The following ITGB1BP1 variants were observed in gnomAD, a reference collection of about 807,000 sequenced individuals.
ITGB1BP1 encodes integrin subunit beta 1 binding protein 1, also known as integrin beta-1-binding protein 1.
ITGB1BP1 carries 20 observed loss-of-function variants against 28.0 expected under a neutral mutation model. That is an observed-to-expected ratio of 0.71 (90% CI 0.50 to 1.04). ITGB1BP1 has a LOEUF of 1.04. Ranked by LOEUF, ITGB1BP1 falls within the 50% of genes least tolerant of loss-of-function variation. The probability of loss-of-function intolerance (pLI) is 0.00; values close to 1 mark genes in which losing one functional copy is unlikely to be tolerated. For missense variants in ITGB1BP1, 228 were observed against 242.5 expected, an observed-to-expected ratio of 0.94 and a Z score of 0.40; for synonymous variants, 103 against 89.5, an observed-to-expected ratio of 1.15 and a Z score of -0.85.
In ITGB1BP1 at chr2:9,415,427, A is replaced by G. The variant is rs905930832; in HGVS notation, c.73-1171T>C. Among the ~76,000 whole-genome samples the G allele has an allele frequency of 1.3e-5, 2 of 151,892 alleles. No individual in the cohort carries two copies. Among genetic ancestry groups the G allele is most frequent in the African/African-American group, 4.8e-5 (2 of 41,350 alleles). On this transcript the variant is annotated intron_variant, in intron 2 of 6. Coordinates refer to ENST00000355346, the MANE Select transcript of ITGB1BP1 (RefSeq NM_004763.5). This position sits in a 1 kb window ranked among gnomAD's most constrained non-coding sequence, Gnocchi z 4.1. ...CACACAAAAAAAAACACAACAATAC[A>G]AAAATTAGCCAGGCTTGGTGGCACA...
chr2:9,417,247 C>T (rs1679260634), intron 2 of ITGB1BP1, among the ~76,000 whole-genome samples: 1 of 152,042 alleles, frequency 6.6e-6, no homozygotes, highest in South Asian at 2.1e-4. Context: ...CTGCTGTCCC[C>T]CAAACACACA....
Position 9,423,360 on chromosome 2 carries a change from G to T in ITGB1BP1, c.-36+13C>A. On this transcript the variant is annotated intron_variant, in intron 1 of 6. Transcript: ENST00000355346. ...GAGCTCGGCCCCAAGCGGGACGAGGGCTGGGCGCTCACCTCGCAGCCGCGG... is the reference window on the plus strand; with the variant it reads ...GAGCTCGGCCCCAAGCGGGACGAGGTCTGGGCGCTCACCTCGCAGCCGCGG... The T allele has an allele frequency of 8.4e-7, 1 of 1,183,638 alleles. No individual in the cohort carries two copies. The highest frequency in any genetic ancestry group is 1.5e-5 in the South Asian group (1 of 67,690). The allele number at this position is 1,183,638 out of a possible 1,614,324, so 73.3% of individuals were successfully genotyped here.
intron 1 of ITGB1BP1, 50 bp downstream of exon 1, chr2:9,423,323 T>G: frequency 8.2e-7 from 1 of 1,220,824 alleles, no homozygotes. Context: ...CGTGTTCCCG[T>G]CAGGCCTCCG....
rs1677305388 is a variant in ITGB1BP1 at position 9,406,124 on chromosome 2, TC to T, written c.*709del. 4.8e-5 allele frequency: 2 copies of T among 41,706 alleles called. No homozygotes were observed. Among genetic ancestry groups the T allele is most frequent in the African/African-American group, 1.2e-4 (1 of 8,022 alleles). The allele number at this position is 41,706 out of a possible 1,614,324, so 2.6% of individuals were successfully genotyped here. On this transcript the variant is annotated 3_prime_UTR_variant, in exon 7 of 7. Transcript: ENST00000355346. ...GGACCTCTGTGACATCTCGTCTTCC[TC>T]AGGCCTTCAGTGTGTGTTTGTCACT...
Position 9,423,207 on chromosome 2 carries a change from C to T in ITGB1BP1, c.-36+166G>A, listed in dbSNP as rs1680118245. On this transcript the variant is annotated intron_variant, in intron 1 of 6. Coordinates refer to ENST00000355346, the MANE Select transcript of ITGB1BP1 (RefSeq NM_004763.5). ...GTTCCAAGCTCCTCCACCCGCGCCC[C>T]GGGAGCGCGGCCCCGCCCGGAACCA... is the stretch of plus-strand genomic sequence containing the variant. The T allele has an allele frequency of 9.3e-6, 10 of 1,079,754 alleles. No individual in the cohort carries two copies. In the South Asian group the frequency reaches 2.0e-4, roughly 22 times the overall value. 66.9% of individuals were successfully genotyped at this position (1,079,754 alleles called of 1,614,324 possible).
At chr2:9,408,026 G>T in intron 5 of ITGB1BP1, 87 bp downstream of exon 5, 1 of 743,466 alleles carries the variant, frequency 1.3e-6, no homozygotes, top group Non-Finnish European at 2.3e-6. Context: ...CTGCAAACAG[G>T]AGTGGCCCTA....
rs536513189 is a variant in ITGB1BP1 at position 9,407,243 on chromosome 2, C to T, written c.531+206G>A. 9.1e-5 allele frequency: 56 copies of T among 617,676 alleles called. 1 individual carries two copies. In the South Asian group the frequency reaches 1.0e-3, roughly 12 times the overall value. The allele number at this position is 617,676 out of a possible 1,614,324, so 38.3% of individuals were successfully genotyped here. On this transcript the variant is annotated intron_variant, in intron 6 of 6. Coordinates refer to ENST00000355346, the MANE Select transcript of ITGB1BP1 (RefSeq NM_004763.5). ...TTTACCTTTTAAATCCCGGCACAAG[C>T]GAGTGCTGCCACTGGCCCTAACAAA...
At chr2:9,417,538 C>T (rs1002469447) in intron 2 of ITGB1BP1, among the ~76,000 whole-genome samples, 2 of 152,092 alleles carry the variant, frequency 1.3e-5, no homozygotes, top group Admixed American at 1.3e-4. Flanking sequence ...CCTGTCTCAG[C>T]CTCCCAAGTA....
At chr2:9,414,473 A>G (rs887118886) in intron 2 of ITGB1BP1, among the ~76,000 whole-genome samples, 14 of 152,366 alleles carry the variant, frequency 9.2e-5, no homozygotes, top group African/African-American at 3.4e-4. Flanking sequence ...CGTTCGTCCC[A>G]TGACATAATA....
In ITGB1BP1 at chr2:9,404,758, G is replaced by A. The variant is rs1432118043; in HGVS notation, c.*2076C>T. 1 of 148,018 alleles carries A rather than the reference G, an allele frequency of 6.8e-6. No homozygotes were observed. Among genetic ancestry groups the A allele is most frequent in the African/African-American group, 2.5e-5 (1 of 40,212 alleles). The allele number at this position is 148,018 out of a possible 1,614,324, so 9.2% of individuals were successfully genotyped here. A position where few individuals can be genotyped will look rare whatever the true frequency, so the allele number is the denominator to read the frequency against. On this transcript the variant is annotated 3_prime_UTR_variant, in exon 7 of 7. Coordinates refer to ENST00000355346, the MANE Select transcript of ITGB1BP1 (RefSeq NM_004763.5). Reference sequence around the variant, plus strand: ...TAGAGTTTTTTTTTTTTTTGGCATTGTACTTTTTGTTTTTGTTATAAAGGA... The same window carrying A: ...TAGAGTTTTTTTTTTTTTTGGCATTATACTTTTTGTTTTTGTTATAAAGGA...
chr2:9,409,405 T>G (rs1287743103), intron 4 of ITGB1BP1, among the ~76,000 whole-genome samples: 5 of 152,206 alleles, frequency 3.3e-5, no homozygotes, highest in Admixed American at 3.3e-4. Context: ...GGGATAATAG[T>G]CAAGCTATTG....
At chr2:9,421,560 G>A (rs1679847565) in intron 1 of ITGB1BP1, among the ~76,000 whole-genome samples, 1 of 152,062 alleles carries the variant, frequency 6.6e-6, no homozygotes, top group East Asian at 1.9e-4. Flanking sequence ...GGTGGTGGGC[G>A]CCTGTAGTCC....
At chr2:9,422,530 G>A (rs1455663479) in intron 1 of ITGB1BP1, 2 of 985,542 alleles carry the variant, frequency 2.0e-6, no homozygotes, top group South Asian at 9.4e-5. Context: ...CAAGGCTGGG[G>A]TAAGGGACCC....
chr2:9,414,554 T>C (rs1400615669), intron 2 of ITGB1BP1, among the ~76,000 whole-genome samples: 1 of 152,262 alleles, frequency 6.6e-6, no homozygotes, highest in Non-Finnish European at 1.5e-5. Flanking sequence ...CCTTACAAGA[T>C]GCCTTCTATG....
At chr2:9,414,930 C>T (rs980342121) in intron 2 of ITGB1BP1, among the ~76,000 whole-genome samples, 2 of 152,246 alleles carry the variant, frequency 1.3e-5, no homozygotes, top group Non-Finnish European at 2.9e-5. Flanking sequence ...CTCAGAGCTA[C>T]ACTCCCAATT....
At chr2:9,408,349 C>G (rs374575726) in intron 4 of ITGB1BP1, 144 bp from the exon 5 acceptor site, 2 of 606,182 alleles carry the variant, frequency 3.3e-6, no homozygotes, top group Non-Finnish European at 3.0e-6. Flanking sequence ...AAGAGTCTCT[C>G]TCCCAGAGGC....
At position 9,423,429 on chromosome 2, in the gene ITGB1BP1, C is replaced by G; in HGVS notation, c.-92G>C. 2 of 1,144,880 alleles carry G rather than the reference C, an allele frequency of 1.7e-6. No homozygotes were observed. The highest frequency in any genetic ancestry group is 2.2e-6 in the Non-Finnish European group (2 of 923,706). 70.9% of individuals were successfully genotyped at this position (1,144,880 alleles called of 1,614,324 possible). A position where few individuals can be genotyped will look rare whatever the true frequency, so the allele number is the denominator to read the frequency against. Reference sequence around the variant, plus strand: ...GACTTCGGGGTCCGCGTGGGAGTGCCGCGGCCTTTGGCGCCCAGGCAGCTA... The same window carrying G: ...GACTTCGGGGTCCGCGTGGGAGTGCGGCGGCCTTTGGCGCCCAGGCAGCTA... On this transcript the variant is annotated 5_prime_UTR_variant, in exon 1 of 7. Transcript: ENST00000355346.
Position 9,406,888 on chromosome 2 carries a change from A to G in ITGB1BP1, c.549T>C (p.Ile183=). 1 of 1,612,758 alleles carries G rather than the reference A, an allele frequency of 6.2e-7. No homozygotes were observed. The highest frequency in any genetic ancestry group is 1.3e-5 in the African/African-American group (1 of 75,034). Residue 183 remains isoleucine (I), a synonymous_variant, in exon 7 of 7, where the codon ATT becomes ATC. Coordinates refer to ENST00000355346, the MANE Select transcript of ITGB1BP1 (RefSeq NM_004763.5). ...CAAAAGCGGTGGATAAAACCTTGCAAATGGCTTGTGCTTGTTCCTACATTA... is the reference window on the plus strand; with the variant it reads ...CAAAAGCGGTGGATAAAACCTTGCAGATGGCTTGTGCTTGTTCCTACATTA... ...QCNSLEQAQA[I]CKVLSTAFDS... is the part of the protein sequence containing the mutation.
intron 3 of ITGB1BP1, chr2:9,412,802 C>T (rs1678618256): frequency 6.4e-6 from 1 of 155,780 alleles, no homozygotes; most frequent in African/African-American, 2.4e-5. Context: ...TGGTCTTGAA[C>T]TCCTGGGCTC....
Sources: allele counts gnomAD v4.1 joint callset (sites outside exome capture counted in the v4.1 genomes callset), GRCh38; gene constraint gnomAD v4.1.1; non-coding constraint Gnocchi (gnomAD v3.1); transcripts MANE v1.5; gene names NCBI Gene and HGNC (gene_info 2026-07-23, HGNC 2026-07-21).